NTM: variants seen among roughly 807,000 people sequenced by gnomAD.
NTM encodes IgLON family member 2.
Under a neutral mutation model 42.1 loss-of-function variants are expected in NTM, and 13 were observed. That is an observed-to-expected ratio of 0.31 (90% CI 0.20 to 0.49). NTM has a LOEUF of 0.49. Among genes scored for constraint, NTM ranks in the 20% least tolerant of loss-of-function variants. The probability of loss-of-function intolerance (pLI) is 0.99; values close to 1 mark genes in which losing one functional copy is unlikely to be tolerated. For synonymous variants in NTM, 187 were observed against 179.2 expected, an observed-to-expected ratio of 1.04 and a Z score of -0.35; for missense variants, 373 against 452.8, an observed-to-expected ratio of 0.82 and a Z score of 1.60.
At chr11:131,824,720 A>C (rs542518746) in intron 1 of NTM, among the ~76,000 whole-genome samples, 1 of 152,300 alleles carries the variant, frequency 6.6e-6, no homozygotes, top group East Asian at 1.9e-4. Flanking sequence ...TAGTGAATGA[A>C]TCTTACTTAG....
intron 3 of NTM, among the ~76,000 whole-genome samples, chr11:132,181,073 T>C (rs888276263): frequency 6.6e-6 from 1 of 152,196 alleles, no homozygotes; most frequent in African/African-American, 2.4e-5. Flanking sequence ...TTGCCAAATC[T>C]CATGGCATTT....
chr11:131,956,501 G>A (rs2061567894), intron 2 of NTM, among the ~76,000 whole-genome samples: 1 of 151,814 alleles, frequency 6.6e-6, no homozygotes, highest in South Asian at 2.1e-4. Flanking sequence ...AGTTTTCAGG[G>A]GTGTTAAATA....
chr11:131,601,817 T>G (rs1041278962), intron 1 of NTM, among the ~76,000 whole-genome samples: 1 of 152,222 alleles, frequency 6.6e-6, no homozygotes, highest in African/African-American at 2.4e-5. Flanking sequence ...TATCCATTTA[T>G]TCAACAAACA....
chr11:131,974,538 A>T (rs1593308796), intron 2 of NTM, among the ~76,000 whole-genome samples: 1 of 152,192 alleles, frequency 6.6e-6, no homozygotes, highest in Admixed American at 6.5e-5. Context: ...ATCTTCTGTG[A>T]GCATAGCATA....
chr11:132,290,858 C>A (rs994267249), intron 4 of NTM, among the ~76,000 whole-genome samples: 2 of 152,036 alleles, frequency 1.3e-5, no homozygotes, highest in African/African-American at 4.8e-5. Flanking sequence ...AAGCTGTAAC[C>A]TGAAAGAAAG....
At chr11:132,176,749 A>T (rs1227494956) in intron 3 of NTM, among the ~76,000 whole-genome samples, 1 of 26,918 alleles carries the variant, frequency 3.7e-5, no homozygotes, top group Non-Finnish European at 1.0e-4. Flanking sequence ...TTTTTTTTAG[A>T]CAGAGTCTCA....
chr11:131,613,720 C>G (rs1263892936), intron 1 of NTM, among the ~76,000 whole-genome samples: 1 of 152,156 alleles, frequency 6.6e-6, no homozygotes, highest in East Asian at 1.9e-4. Flanking sequence ...GGAACCAGCT[C>G]TCCCGGTTCA....
chr11:131,760,766 T>C (rs187926495), intron 1 of NTM, among the ~76,000 whole-genome samples: 206 of 152,158 alleles, frequency 1.4e-3, no homozygotes, highest in African/African-American at 4.5e-3. Context: ...AGGAGGAGCC[T>C]CAGGAAGGGT....
At chr11:131,692,355 C>T (rs2074893778) in intron 1 of NTM, among the ~76,000 whole-genome samples, 1 of 151,986 alleles carries the variant, frequency 6.6e-6, no homozygotes, top group South Asian at 2.1e-4. Context: ...TAGCCTATCT[C>T]CCATGCACAT....
chr11:132,068,768 G>T (rs1050997371), intron 2 of NTM, among the ~76,000 whole-genome samples: 2 of 152,174 alleles, frequency 1.3e-5, no homozygotes, highest in Non-Finnish European at 2.9e-5. Flanking sequence ...TCTGAAATCT[G>T]TAAAGCAGGC....
intron 1 of NTM, among the ~76,000 whole-genome samples, chr11:131,413,111 C>A (rs573294389): frequency 6.6e-6 from 1 of 152,186 alleles, no homozygotes; most frequent in Non-Finnish European, 1.5e-5. Flanking sequence ...TTCCCTTGTG[C>A]CCATAGAATA....
chr11:132,223,973 G>C (rs148323986), intron 4 of NTM, among the ~76,000 whole-genome samples: 1 of 152,308 alleles, frequency 6.6e-6, no homozygotes, highest in Non-Finnish European at 1.5e-5. Flanking sequence ...GTTGGGCTGT[G>C]AGCCAAGTGT....
chr11:131,408,430 G>T (rs900089403), intron 1 of NTM, among the ~76,000 whole-genome samples: 15 of 152,198 alleles, frequency 9.9e-5, no homozygotes, highest in African/African-American at 3.4e-4. Flanking sequence ...CATCTAGAAG[G>T]TGCTAACATT....
At chr11:132,086,939 AG>A (rs2059792110) in intron 2 of NTM, among the ~76,000 whole-genome samples, 2 of 152,226 alleles carry the variant, frequency 1.3e-5, no homozygotes, top group East Asian at 3.9e-4. Context: ...ATCTGTAAAG[AG>A]GGGACAGAGG....
chr11:131,505,540 G>T (rs975454181), intron 1 of NTM, among the ~76,000 whole-genome samples: 9 of 152,194 alleles, frequency 5.9e-5, no homozygotes, highest in African/African-American at 2.2e-4. Context: ...TTTCACAGGT[G>T]AGGACACTGA....
chr11:131,492,230 G>T (rs1954878123), intron 1 of NTM, among the ~76,000 whole-genome samples: 1 of 152,178 alleles, frequency 6.6e-6, no homozygotes, highest in Non-Finnish European at 1.5e-5. Flanking sequence ...TGAAAAGTTG[G>T]CAGGGCAGTT....
intron 2 of NTM, among the ~76,000 whole-genome samples, chr11:131,992,917 G>A (rs1055082459): frequency 6.6e-6 from 1 of 152,034 alleles, no homozygotes; most frequent in Admixed American, 6.6e-5. Context: ...TTATATAAAT[G>A]GTCCCAAATG....
intron 1 of NTM, among the ~76,000 whole-genome samples, chr11:131,541,604 A>G (rs899242189): frequency 4.6e-5 from 7 of 152,208 alleles, no homozygotes; most frequent in Non-Finnish European, 1.0e-4. Context: ...CAGTCAATTC[A>G]CGTGTCCTGT....
intron 2 of NTM, among the ~76,000 whole-genome samples, chr11:131,955,942 C>T (rs1183224407): frequency 2.0e-5 from 3 of 152,210 alleles, no homozygotes; most frequent in African/African-American, 7.2e-5. Context: ...TAGCTCCATC[C>T]TTGTCTTGCT....
Sources: allele counts gnomAD v4.1 joint callset (sites outside exome capture counted in the v4.1 genomes callset), GRCh38; gene constraint gnomAD v4.1.1; transcripts MANE v1.5; gene names NCBI Gene and HGNC (gene_info 2026-07-23, HGNC 2026-07-21).